Variants in SPATA16 observed in about 807,000 individuals in gnomAD.
The protein encoded by SPATA16 is spermatogenesis-associated protein 16.
SPATA16 carries 36 observed loss-of-function variants against 63.3 expected under a neutral mutation model. The ratio of observed to expected loss-of-function variants is 0.57; its 90% CI spans 0.44 to 0.75. The LOEUF is 0.75. Among genes scored for constraint, SPATA16 ranks in the 30% least tolerant of loss-of-function variants. The pLI is 0.00. For missense variants in SPATA16, 646 were observed against 679.3 expected (o/e 0.95, Z 0.54); for synonymous variants, 203 against 216.7 (o/e 0.94, Z 0.56).
chr3:173,011,870 G>A (rs372964575), intron 4 of SPATA16, among the ~76,000 whole-genome samples: 1 of 152,142 alleles, frequency 6.6e-6, no homozygotes, highest in South Asian at 2.1e-4. Context: ...ATGGAGTGCA[G>A]TGGCATGATC....
intron 2 of SPATA16, among the ~76,000 whole-genome samples, chr3:173,074,815 T>C (rs968378166): frequency 5.3e-5 from 8 of 151,888 alleles, no homozygotes; most frequent in African/African-American, 1.9e-4. Flanking sequence ...CTGGAAAACA[T>C]GGTGAAATCC....
At chr3:172,991,131 A>T (rs1329777292) in intron 4 of SPATA16, among the ~76,000 whole-genome samples, 1 of 151,994 alleles carries the variant, frequency 6.6e-6, no homozygotes, top group African/African-American at 2.4e-5. Context: ...TCCTAGGGTA[A>T]TTAGGCCCCT....
intron 10 of SPATA16, among the ~76,000 whole-genome samples, chr3:172,890,106 C>A (rs1474193277): frequency 6.6e-6 from 1 of 152,134 alleles, no homozygotes; most frequent in Admixed American, 6.5e-5. Flanking sequence ...TCCTTCAAAG[C>A]CAGAGATTCT....
At chr3:173,140,345 ATTTT>A (rs1394153379) in intron 1 of SPATA16, among the ~76,000 whole-genome samples, 2,809 of 152,300 alleles carry the variant, frequency 0.018, 90 homozygotes, top group African/African-American at 0.064. Context: ...ATCTATTAAT[ATTTT>A]ATGGGTAATA....
intron 2 of SPATA16, among the ~76,000 whole-genome samples, chr3:173,091,504 A>C (rs1737220339): frequency 6.6e-6 from 1 of 152,128 alleles, no homozygotes; most frequent in African/African-American, 2.4e-5. Flanking sequence ...GACCCTAATT[A>C]ATGAATTTGC....
intron 2 of SPATA16, among the ~76,000 whole-genome samples, chr3:173,104,222 G>A (rs1737567850): frequency 6.6e-6 from 1 of 152,138 alleles, no homozygotes; most frequent in African/African-American, 2.4e-5. Flanking sequence ...AAGTTCCAAA[G>A]TTTCCCTCAT....
intron 3 of SPATA16, among the ~76,000 whole-genome samples, chr3:173,024,298 C>T (rs558205360): frequency 6.6e-6 from 1 of 151,238 alleles, no homozygotes; most frequent in African/African-American, 2.4e-5. Flanking sequence ...ACTACATAGG[C>T]TAAATTTTTT....
At chr3:172,911,788 G>A (rs1026864810) in intron 10 of SPATA16, among the ~76,000 whole-genome samples, 1 of 152,098 alleles carries the variant, frequency 6.6e-6, no homozygotes, top group Non-Finnish European at 1.5e-5. Context: ...AAGGCCTATA[G>A]ATGTGGCTTC....
intron 1 of SPATA16, among the ~76,000 whole-genome samples, chr3:173,120,707 C>T (rs1015432310): frequency 2.6e-5 from 4 of 152,096 alleles, no homozygotes; most frequent in Non-Finnish European, 5.9e-5. Context: ...CTCTGCCTCC[C>T]TCTCTCCATT....
At chr3:173,002,535 C>CCTCGATTTT (rs1734849248) in intron 4 of SPATA16, among the ~76,000 whole-genome samples, 1 of 152,124 alleles carries the variant, frequency 6.6e-6, no homozygotes, top group Non-Finnish European at 1.5e-5. Context: ...TTGGGAATTC[C>CCTCGATTTT]TAACCAGAAC....
chr3:173,042,315 G>A lies in SPATA16; in HGVS notation c.758+6634C>T, dbSNP rs547049789. ...TGGTTCACTGTGGCCTCTCCCTCCC[G>A]GGTTCAAGTGATTCTCCTGTCTCAG... is the stretch of plus-strand genomic sequence containing the variant. On this transcript the variant is annotated intron_variant, in intron 3 of 10. Transcript: ENST00000351008. 5.3e-5 allele frequency among the ~76,000 whole-genome samples: 8 copies of A among 152,082 alleles called. No homozygotes were observed. In the South Asian group the frequency reaches 6.2e-4, roughly 12 times the overall value.
At chr3:173,130,821 AAATAAT>A (rs1738363561) in intron 1 of SPATA16, among the ~76,000 whole-genome samples, 1 of 152,206 alleles carries the variant, frequency 6.6e-6, no homozygotes, top group South Asian at 2.1e-4. Flanking sequence ...CCTTGGTAAA[AAATAAT>A]AATCATTTCT....
chr3:173,083,042 A>C (rs1020324404), intron 2 of SPATA16, among the ~76,000 whole-genome samples: 1 of 152,144 alleles, frequency 6.6e-6, no homozygotes, highest in Admixed American at 6.5e-5. Flanking sequence ...TGTATCTTTT[A>C]AAGTACATAT....
At chr3:172,969,225 G>A (rs1192147602) in intron 5 of SPATA16, among the ~76,000 whole-genome samples, 2 of 152,128 alleles carry the variant, frequency 1.3e-5, no homozygotes, top group East Asian at 3.9e-4. Flanking sequence ...ATTATTAACT[G>A]TTAACAATGG....
intron 4 of SPATA16, among the ~76,000 whole-genome samples, chr3:172,998,231 C>T (rs1734734788): frequency 6.6e-6 from 1 of 151,980 alleles, no homozygotes; most frequent in Non-Finnish European, 1.5e-5. Context: ...TGTAGTTTTT[C>T]TCATATAGAT....
chr3:172,900,070 T>G (rs1414480794), intron 10 of SPATA16, among the ~76,000 whole-genome samples: 1 of 152,202 alleles, frequency 6.6e-6, no homozygotes, highest in Admixed American at 6.5e-5. Context: ...TTCTTTTGAT[T>G]CCTTTCTATT....
At chr3:173,087,237 G>A (rs1367026036) in intron 2 of SPATA16, among the ~76,000 whole-genome samples, 2 of 152,120 alleles carry the variant, frequency 1.3e-5, no homozygotes, top group African/African-American at 4.8e-5. Flanking sequence ...ATTTAGGATA[G>A]TTAGCTTTTG....
intron 2 of SPATA16, among the ~76,000 whole-genome samples, chr3:173,056,705 C>CAAAAAAAAAAAAAAAAAAAAAA (rs71162325): frequency 9.5e-5 from 7 of 73,616 alleles, no homozygotes; most frequent in African/African-American, 3.9e-4. Flanking sequence ...ACTCTTGTTT[C>CAAAAAAAAAAAAAAAAAAAAAA]AAAAAAAAAA....
At chr3:173,051,464 G>A (rs961832559) in intron 2 of SPATA16, among the ~76,000 whole-genome samples, 1 of 152,150 alleles carries the variant, frequency 6.6e-6, no homozygotes, top group African/African-American at 2.4e-5. Flanking sequence ...GGCCTCCAAA[G>A]TGCTGGGATT....
Sources: gnomAD v4.1 joint callset for allele counts (sites outside exome capture counted in the v4.1 genomes callset) on GRCh38, gnomAD v4.1.1 for gene constraint, MANE v1.5 for transcripts, NCBI Gene and HGNC (gene_info 2026-07-23, HGNC 2026-07-21) for gene names.